The following NUP42 variants were observed in gnomAD, a reference collection of about 807,000 sequenced individuals.
NUP42 encodes the protein nucleoporin 42.
NUP42 carries 47 observed loss-of-function variants against 35.9 expected under a neutral mutation model. The ratio of observed to expected loss-of-function variants is 1.31; its 90% CI spans 1.04 to 1.67. The LOEUF (loss-of-function observed/expected upper bound fraction) is 1.67, where lower values mean the gene tolerates loss of function less well. Among genes scored for constraint, NUP42 ranks in the 40% most tolerant of loss-of-function variants. The pLI, the probability that NUP42 is intolerant of heterozygous loss-of-function variation, is 0.00. For synonymous variants in NUP42, 173 were observed against 173.3 expected (o/e 1.00, Z 0.01); for missense variants, 514 against 492.2 (o/e 1.04, Z -0.42).
chr7:23,200,107 T>G, intron 6 of NUP42, 61 bp from the exon 7 acceptor site: 3 of 1,171,882 alleles, frequency 2.6e-6, no homozygotes, highest in Non-Finnish European at 2.4e-6. Flanking sequence ...GAAATAATTG[T>G]GACATTTTTC....
intron 5 of NUP42, chr7:23,198,537 A>T (rs1255569448): frequency 6.6e-6 from 1 of 152,198 alleles, no homozygotes; most frequent in African/African-American, 2.4e-5. Flanking sequence ...TCCAAATGAA[A>T]GAAATCGCTT....
intron 3 of NUP42, chr7:23,187,941 TC>T: frequency 2.3e-6 from 1 of 444,288 alleles, no homozygotes; most frequent in Non-Finnish European, 3.9e-6. Context: ...TCTCTGTCTC[TC>T]TCTCTCTCTC....
chr7:23,188,320 C>A, intron 3 of NUP42: 1 of 1,157,884 alleles, frequency 8.6e-7, no homozygotes. Flanking sequence ...ATGAGCAAGA[C>A]AGACAAGATC....
chr7:23,199,078 T>G (rs1022956775), intron 5 of NUP42, among the ~76,000 whole-genome samples: 1 of 152,236 alleles, frequency 6.6e-6, no homozygotes, highest in Non-Finnish European at 1.5e-5. Flanking sequence ...GCATTTTCCA[T>G]GTTAAGCATT....
chr7:23,195,803 T>A (rs1370327530), intron 3 of NUP42, 36 bp from the exon 4 acceptor site: 1 of 1,382,300 alleles, frequency 7.2e-7, no homozygotes, highest in Non-Finnish European at 1.0e-6. Flanking sequence ...ATTATTGGCA[T>A]TTATTTTAAA....
chr7:23,193,235 A>T (rs757399256), intron 3 of NUP42, among the ~76,000 whole-genome samples: 1 of 152,172 alleles, frequency 6.6e-6, no homozygotes, highest in African/African-American at 2.4e-5. Flanking sequence ...AAAAGAACGA[A>T]GCTTCCACAG....
At chr7:23,186,958 A>T (rs985949574) in intron 2 of NUP42, 94 bp from the exon 3 acceptor site, 2 of 818,660 alleles carry the variant, frequency 2.4e-6, no homozygotes, top group African/African-American at 3.5e-5. Flanking sequence ...ATTTACTAGA[A>T]TTTAAATTTT....
At position 23,188,013 on chromosome 7, in the gene NUP42, A is replaced by ATT. The variant is rs372134540; in HGVS notation, c.445+877_445+878dup. On this transcript the variant is annotated intron_variant, in intron 3 of 6. Transcript: ENST00000258742. The stretch of plus-strand genomic sequence containing the variant: ...CTCTCTTTTTTTATTTTTTATTTTT[A>ATT]TTTTTTTTTTTGTCCATAGTCCCTA... 285 of 908,950 alleles carry ATT rather than the reference A, an allele frequency of 3.1e-4. 1 individual carries two copies. Among genetic ancestry groups the ATT allele is most frequent in the South Asian group, 1.1e-3 (53 of 47,912 alleles). The allele number at this position is 908,950 out of a possible 1,614,324, so 56.3% of individuals were successfully genotyped here.
At position 23,195,828 on chromosome 7, in the gene NUP42, C is replaced by G; in HGVS notation, c.446-11C>G. On this transcript the variant is annotated splice_polypyrimidine_tract_variant and intron_variant, in intron 3 of 6. Coordinates refer to ENST00000258742, the MANE Select transcript of NUP42 (RefSeq NM_007342.3). ...TTTATTTTAAAGATTCCGATTGATT[C>G]CTCACTTCAGGTTTTACAGACATTT... 3 of 1,566,692 alleles carry G rather than the reference C, an allele frequency of 1.9e-6. No homozygotes were observed. The highest frequency in any genetic ancestry group is 2.6e-6 in the Non-Finnish European group (3 of 1,144,528).
chr7:23,200,753 ATTTT>A lies in NUP42; in HGVS notation c.*9_*12del. ...GAACTTCTAAATGTTTAAAAGGGCA[ATTTT>A]AAATACAAAAAAGAATGATGTTTAA... is the stretch of plus-strand genomic sequence containing the variant. On this transcript the variant is annotated 3_prime_UTR_variant, in exon 7 of 7. Coordinates refer to ENST00000258742, the MANE Select transcript of NUP42 (RefSeq NM_007342.3). 6.6e-7 allele frequency: 1 copy of A among 1,525,806 alleles called. No homozygotes were observed. The highest frequency in any genetic ancestry group is 8.8e-7 in the Non-Finnish European group (1 of 1,135,404). 94.5% of individuals were successfully genotyped at this position (1,525,806 alleles called of 1,614,324 possible). A position where few individuals can be genotyped will look rare whatever the true frequency, so the allele number is the denominator to read the frequency against.
chr7:23,185,795 A>C (rs996086819), intron 2 of NUP42, among the ~76,000 whole-genome samples: 2 of 152,358 alleles, frequency 1.3e-5, no homozygotes, highest in Admixed American at 1.3e-4. Flanking sequence ...GCTAGAGTGC[A>C]GTGGTACAAT....
chr7:23,182,918 A>C (rs903514823), intron 1 of NUP42, among the ~76,000 whole-genome samples: 2 of 151,792 alleles, frequency 1.3e-5, no homozygotes, highest in East Asian at 3.9e-4. Flanking sequence ...TCAAAAAAAA[A>C]AAAAGAAAGA....
Position 23,187,151 on chromosome 7 carries a change from C to T in NUP42, c.445+5C>T, listed in dbSNP as rs775423814. 1.9e-6 allele frequency: 3 copies of T among 1,581,402 alleles called. No homozygotes were observed. Among genetic ancestry groups the T allele is most frequent in the Non-Finnish European group, 2.6e-6 (3 of 1,156,808 alleles). Reference sequence around the variant, plus strand: ...AAAAGAAACCTAATATTTCAGGTAACTGAAAAATTGTGCATTTTTAAAGTA... The same window carrying T: ...AAAAGAAACCTAATATTTCAGGTAATTGAAAAATTGTGCATTTTTAAAGTA... On this transcript the variant is annotated splice_donor_5th_base_variant and intron_variant, in intron 3 of 6. Transcript: ENST00000258742.
chr7:23,191,225 G>T (rs1262807311), intron 3 of NUP42, among the ~76,000 whole-genome samples: 1 of 152,186 alleles, frequency 6.6e-6, no homozygotes, highest in Non-Finnish European at 1.5e-5. Context: ...ATTGCACTGG[G>T]CAGGCAGCCA....
rs755435290 is a variant in NUP42 at position 23,196,747 on chromosome 7, T to C, written c.590T>C (p.Ile197Thr). 2 of 1,608,512 alleles carry C rather than the reference T, an allele frequency of 1.2e-6. No individual in the cohort carries two copies. The highest frequency in any genetic ancestry group is 2.2e-5 in the East Asian group (1 of 44,766). Residue 197 changes from isoleucine to threonine, a missense_variant, in exon 5 of 7, where the codon ATA (isoleucine) becomes ACA (threonine). Coordinates refer to ENST00000258742, the MANE Select transcript of NUP42 (RefSeq NM_007342.3). ...NRVNELKSLN[I>T]STKVALLSDV... is the part of the protein sequence containing the mutation. The stretch of plus-strand genomic sequence containing the variant: ...GTAAATGAACTGAAAAGTCTAAATA[T>C]ATCAACTAAAGTAGCTTTGGTGAGT...
intron 3 of NUP42, chr7:23,187,965 G>A: frequency 1.5e-6 from 1 of 654,664 alleles, no homozygotes; most frequent in Non-Finnish European, 2.5e-6. Context: ...GCCTGGAATA[G>A]CATTTGCTTT....
At chr7:23,199,406 C>A in intron 5 of NUP42, 52 bp from the exon 6 acceptor site, 1 of 1,396,446 alleles carries the variant, frequency 7.2e-7, no homozygotes, top group Non-Finnish European at 1.0e-6. Context: ...AGAAAAGATA[C>A]TGGAGCACTA....
At chr7:23,182,510 T>C in intron 1 of NUP42, 1 of 1,125,844 alleles carries the variant, frequency 8.9e-7, no homozygotes, top group Non-Finnish European at 1.1e-6. Flanking sequence ...GAATTGAATA[T>C]AATTTTTACT....
At chr7:23,193,014 G>A (rs1021459508) in intron 3 of NUP42, among the ~76,000 whole-genome samples, 11 of 152,028 alleles carry the variant, frequency 7.2e-5, no homozygotes, top group African/African-American at 2.7e-4. Context: ...GGGGTCCGTG[G>A]TCTCGCTGGC....
Sources: gnomAD v4.1 joint callset for allele counts (sites outside exome capture counted in the v4.1 genomes callset) on GRCh38, gnomAD v4.1.1 for gene constraint, MANE v1.5 for transcripts, NCBI Gene and HGNC (gene_info 2026-07-23, HGNC 2026-07-21) for gene names.